The following KIF26B variants were observed in gnomAD, a reference collection of about 807,000 sequenced individuals.
KIF26B encodes the protein kinesin-like protein KIF26B.
A neutral mutation model predicts 151.2 loss-of-function variants in KIF26B; 63 were observed. The observed-to-expected ratio is 0.42, with a 90% CI of 0.34 to 0.51. The LOEUF (loss-of-function observed/expected upper bound fraction) is 0.51. Among genes scored for constraint, KIF26B ranks in the 20% least tolerant of loss-of-function variants. KIF26B has a pLI of 0.07. For missense variants in KIF26B, 2,813 were observed against 2,913.6 expected, an observed-to-expected ratio of 0.97 and a Z score of 0.79; for synonymous variants, 1,357 against 1,262.1, an observed-to-expected ratio of 1.08 and a Z score of -1.59.
chr1:245,429,975 G>C (rs2103041120), intron 4 of KIF26B, among the ~76,000 whole-genome samples: 1 of 152,254 alleles, frequency 6.6e-6, no homozygotes, highest in African/African-American at 2.4e-5. Flanking sequence ...AGACTGAAGG[G>C]AAAAAAGAAG....
intron 2 of KIF26B, among the ~76,000 whole-genome samples, chr1:245,171,307 G>C (rs777324321): frequency 6.6e-6 from 1 of 152,204 alleles, no homozygotes; most frequent in African/African-American, 2.4e-5. Flanking sequence ...ACTTTGGGAG[G>C]CCAAGGCGGG....
chr1:245,527,524 C>CTTTTTTT (rs548422038), intron 4 of KIF26B, among the ~76,000 whole-genome samples: 5,134 of 50,650 alleles, frequency 0.1, 1,768 homozygotes, highest in South Asian at 0.14. Context: ...TTTGGGATGG[C>CTTTTTTT]TTTTTTTTTT....
At chr1:245,257,580 C>T (rs1221827057) in intron 2 of KIF26B, among the ~76,000 whole-genome samples, 2 of 152,168 alleles carry the variant, frequency 1.3e-5, no homozygotes, top group Non-Finnish European at 2.9e-5. Flanking sequence ...CTCTTCAGGG[C>T]CCGTCGTGTG....
intron 2 of KIF26B, among the ~76,000 whole-genome samples, chr1:245,253,190 G>T (rs1408443599): frequency 6.6e-6 from 1 of 151,614 alleles, no homozygotes; most frequent in Non-Finnish European, 1.5e-5. Context: ...TGTATTTTTA[G>T]TAGAGATGGG....
chr1:245,607,626 T>C, intron 6 of KIF26B, 25 bp from the exon 7 acceptor site: 2 of 1,584,376 alleles, frequency 1.3e-6, no homozygotes, highest in East Asian at 4.6e-5. Context: ...CATTCACGGC[T>C]CGTGTCTCCT....
chr1:245,588,863 A>G (rs1366319070), intron 5 of KIF26B, among the ~76,000 whole-genome samples: 1 of 152,120 alleles, frequency 6.6e-6, no homozygotes, highest in African/African-American at 2.4e-5. Flanking sequence ...TGGGGAAAGA[A>G]TTGGGGTAAC....
chr1:245,297,762 T>C (rs1448576361), intron 2 of KIF26B, among the ~76,000 whole-genome samples: 1 of 152,188 alleles, frequency 6.6e-6, no homozygotes, highest in Non-Finnish European at 1.5e-5. Context: ...AATGAGGACA[T>C]GGTTTCTGTC....
At chr1:245,631,502 G>T (rs2043781252) in intron 9 of KIF26B, among the ~76,000 whole-genome samples, 1 of 152,030 alleles carries the variant, frequency 6.6e-6, no homozygotes, top group South Asian at 2.1e-4. Context: ...TTATGTTATT[G>T]GTGTGTTGTT....
At chr1:245,659,694 A>G (rs1003642327) in intron 10 of KIF26B, among the ~76,000 whole-genome samples, 3 of 152,116 alleles carry the variant, frequency 2.0e-5, no homozygotes, top group African/African-American at 7.2e-5. Flanking sequence ...ACAAGGCATA[A>G]AGCAGTTAAA....
chr1:245,189,952 A>C (rs1042762072), intron 2 of KIF26B, among the ~76,000 whole-genome samples: 1 of 152,350 alleles, frequency 6.6e-6, no homozygotes, highest in African/African-American at 2.4e-5. Flanking sequence ...TGAGACCATC[A>C]GATCTCGTGA....
intron 4 of KIF26B, among the ~76,000 whole-genome samples, chr1:245,538,802 G>A (rs908173478): frequency 3.9e-5 from 6 of 152,144 alleles, no homozygotes; most frequent in Admixed American, 6.5e-5. Flanking sequence ...ACATAGGCAG[G>A]CTGGCTTGAG....
intron 2 of KIF26B, among the ~76,000 whole-genome samples, chr1:245,344,494 CAAAAAA>C (rs57007301): frequency 2.5e-3 from 102 of 40,010 alleles, no homozygotes; most frequent in African/African-American, 4.6e-3. Flanking sequence ...GACTCCGTCT[CAAAAAA>C]AAAAAAAAAA....
chr1:245,248,015 A>C (rs1271885379), intron 2 of KIF26B, among the ~76,000 whole-genome samples: 1 of 152,170 alleles, frequency 6.6e-6, no homozygotes, highest in Non-Finnish European at 1.5e-5. Context: ...AACTACTTCT[A>C]TCAGTCACAG....
intron 3 of KIF26B, among the ~76,000 whole-genome samples, chr1:245,390,938 A>AAAAAAAACAAAAC (rs1673676124): frequency 1.0e-5 from 1 of 95,966 alleles, no homozygotes; most frequent in African/African-American, 8.6e-5. Flanking sequence ...AAAAAAAAAA[A>AAAAAAAACAAAAC]AAAAAAAAAA....
At chr1:245,510,553 T>C (rs1572098391) in intron 4 of KIF26B, among the ~76,000 whole-genome samples, 1 of 151,920 alleles carries the variant, frequency 6.6e-6, no homozygotes. Context: ...TATTTCTTTC[T>C]CGGCTGTCTC....
rs373904857 is a variant in KIF26B, at chr1:245,685,801, G to A, written c.2818G>A (p.Glu940Lys). Residue 940 changes from glutamate to lysine, a missense_variant, in exon 12 of 15, where the codon GAG becomes AAG. Glu to Lys is a moderately conservative substitution (Grantham distance 56). Transcript: ENST00000407071. Reference protein sequence around the residue: ...QERLDCIDGSEEPSSFPFEEL... With the variant: ...QERLDCIDGSKEPSSFPFEEL... ...GAGGCTGGACTGCATCGACGGCAGC[G>A]AGGAGCCCAGCAGCTTTCCTTTCGA... is the stretch of plus-strand genomic sequence containing the variant. 1.9e-6 allele frequency: 3 copies of A among 1,609,738 alleles called. No homozygotes were observed. The highest frequency in any genetic ancestry group is 2.7e-5 in the African/African-American group (2 of 74,970).
In KIF26B at chr1:245,569,925, G is replaced by T. The variant is rs544874840; in HGVS notation, c.1350+28975G>T. On this transcript the variant is annotated intron_variant, in intron 5 of 14. Coordinates refer to ENST00000407071, the MANE Select transcript of KIF26B (RefSeq NM_018012.4). Reference sequence around the variant, plus strand: ...GAGGGAAACCTACGTTGTAAATAGAGAATTTTTTTTTTTTTTTTTTTTTTT... The same window carrying T: ...GAGGGAAACCTACGTTGTAAATAGATAATTTTTTTTTTTTTTTTTTTTTTT... 2.7e-5 allele frequency among the ~76,000 whole-genome samples: 3 copies of T among 111,518 alleles called. No individual in the cohort carries two copies. The Admixed American group carries it at 2.8e-4, about 10-fold the overall frequency. 73.2% of individuals were successfully genotyped at this position (111,518 alleles called of 152,430 possible). A position where few individuals can be genotyped will look rare whatever the true frequency, so the allele number is the denominator to read the frequency against.
intron 2 of KIF26B, among the ~76,000 whole-genome samples, chr1:245,245,691 GGGAGGCCGA>G (rs1670314978): frequency 6.6e-6 from 1 of 152,116 alleles, no homozygotes; most frequent in African/African-American, 2.4e-5. Context: ...CCGGCACTTT[GGGAGGCCGA>G]GGCGGGTGGA....
At chr1:245,451,585 C>CT (rs58192966) in intron 4 of KIF26B, among the ~76,000 whole-genome samples, 4,474 of 58,780 alleles carry the variant, frequency 0.076, 646 homozygotes, top group Non-Finnish European at 0.1. Flanking sequence ...GAAGATCTAT[C>CT]TTTTTTTTTT....
Sources: allele counts gnomAD v4.1 joint callset (sites outside exome capture counted in the v4.1 genomes callset), GRCh38; gene constraint gnomAD v4.1.1; transcripts MANE v1.5; gene names NCBI Gene and HGNC (gene_info 2026-07-23, HGNC 2026-07-21).